Variants in CADM2 observed in about 807,000 individuals in gnomAD.
The protein encoded by CADM2 is immunoglobulin superfamily member 4D.
CADM2 carries 12 observed loss-of-function variants against 49.8 expected under a neutral mutation model. The ratio of observed to expected loss-of-function variants is 0.24; its 90% CI spans 0.15 to 0.39. The LOEUF (loss-of-function observed/expected upper bound fraction) is 0.39. CADM2 is among the 10% of genes least tolerant of loss of function. CADM2 has a pLI of 1.00. For synonymous variants in CADM2, 214 were observed against 175.4 expected (o/e 1.22, Z -1.74); for missense variants, 378 against 492.3 (o/e 0.77, Z 2.20).
At chr3:85,899,904 G>C (rs75168682) in intron 5 of CADM2, among the ~76,000 whole-genome samples, 2 of 152,020 alleles carry the variant, frequency 1.3e-5, no homozygotes, top group African/African-American at 4.8e-5. Context: ...GCGAATACTG[G>C]GGGGAGCACT....
chr3:85,495,873 T>C (rs927190115), intron 1 of CADM2, among the ~76,000 whole-genome samples: 6 of 151,882 alleles, frequency 4.0e-5, no homozygotes, highest in Non-Finnish European at 1.5e-5. Flanking sequence ...GACAAAGACC[T>C]CCCACTAGGC....
intron 1 of CADM2, among the ~76,000 whole-genome samples, chr3:85,338,305 C>T (rs1421319918): frequency 6.6e-6 from 1 of 151,600 alleles, no homozygotes; most frequent in Non-Finnish European, 1.5e-5. Context: ...CAATTTTCAT[C>T]TGTTTAGTGA....
At position 85,028,587 on chromosome 3, in the gene CADM2, C is replaced by T. The variant is rs186358105; in HGVS notation, c.61+68919C>T. Reference sequence around the variant, plus strand: ...TCTGAATACAAAACTCTCTGGAGACCTTTTGGACTCCTCTGTTAATGCAGG... The same window carrying T: ...TCTGAATACAAAACTCTCTGGAGACTTTTTGGACTCCTCTGTTAATGCAGG... On this transcript the variant is annotated intron_variant, in intron 1 of 9. Transcript: ENST00000383699. Among the ~76,000 whole-genome samples the T allele has an allele frequency of 2.7e-3, 417 of 152,098 alleles. 1 individual carries two copies. Among genetic ancestry groups the T allele is most frequent in the Non-Finnish European group, 4.7e-3 (317 of 67,940 alleles).
chr3:85,252,144 CTT>C (rs966305837), intron 1 of CADM2, among the ~76,000 whole-genome samples: 3 of 151,942 alleles, frequency 2.0e-5, no homozygotes, highest in Non-Finnish European at 4.4e-5. Flanking sequence ...CTCATCATCT[CTT>C]TGTTTTTGTT....
At position 85,290,990 on chromosome 3, in the gene CADM2, G is replaced by A. The variant is rs145100436; in HGVS notation, c.61+331322G>A. Among the ~76,000 whole-genome samples, 818 of 152,232 alleles carry A rather than the reference G, an allele frequency of 5.4e-3. 5 individuals carry two copies. Among genetic ancestry groups the A allele is most frequent in the African/African-American group, 0.019 (774 of 41,554 alleles). On this transcript the variant is annotated intron_variant, in intron 1 of 9. Coordinates refer to ENST00000383699, the MANE Select transcript of CADM2 (RefSeq NM_001167675.2). Reference sequence around the variant, plus strand: ...AGGCTTCAGACGATCAAATTACTCCGAGCTATGGGAGGACATTCAAACCAA... The same window carrying A: ...AGGCTTCAGACGATCAAATTACTCCAAGCTATGGGAGGACATTCAAACCAA...
chr3:86,063,605 A>G (rs558831574), intron 8 of CADM2, among the ~76,000 whole-genome samples: 1 of 152,314 alleles, frequency 6.6e-6, no homozygotes, highest in South Asian at 2.1e-4. Context: ...CACATTTTGC[A>G]TTCAGCAAGT....
chr3:85,299,481 T>A (rs2044042404), intron 1 of CADM2, among the ~76,000 whole-genome samples: 1 of 152,064 alleles, frequency 6.6e-6, no homozygotes, highest in Non-Finnish European at 1.5e-5. Context: ...TATTCACATA[T>A]CATATTTTGG....
chr3:85,216,588 A>T (rs1003884971), intron 1 of CADM2, among the ~76,000 whole-genome samples: 39 of 152,030 alleles, frequency 2.6e-4, no homozygotes, highest in African/African-American at 9.4e-4. Context: ...CTGACAGAAA[A>T]CTATTAAATA....
rs550214206 is a variant in CADM2, at chr3:85,792,520, A to G, written c.89-9527A>G. ...ACAAAATTTGATCATTGACCCTCCA[A>G]AACTACCAACTAACTCACTTCCTCT... On this transcript the variant is annotated intron_variant, in intron 2 of 9. Transcript: ENST00000383699. Among the ~76,000 whole-genome samples, 113 of 152,330 alleles carry G rather than the reference A, an allele frequency of 7.4e-4. 4 individuals carry two copies. In the South Asian group the frequency reaches 0.023, roughly 30 times the overall value.
At chr3:85,480,045 C>G (rs2039145791) in intron 1 of CADM2, among the ~76,000 whole-genome samples, 1 of 151,592 alleles carries the variant, frequency 6.6e-6, no homozygotes, top group Admixed American at 6.6e-5. Flanking sequence ...TTAAAAGTTA[C>G]TTCTAATTGA....
chr3:86,055,460 T>C (rs911305660), intron 8 of CADM2, among the ~76,000 whole-genome samples: 1 of 121,254 alleles, frequency 8.2e-6, no homozygotes, highest in Non-Finnish European at 1.7e-5. Context: ...TCTTTTTTTT[T>C]TTTTTTTTTT....
chr3:85,912,638 G>A (rs1354936828), intron 6 of CADM2, 95 bp downstream of exon 6: 5 of 1,288,808 alleles, frequency 3.9e-6, no homozygotes, highest in Admixed American at 2.2e-5. Flanking sequence ...TTATAGCAAA[G>A]GTGCAGTAAA....
intron 1 of CADM2, among the ~76,000 whole-genome samples, chr3:85,541,115 T>G (rs1324639663): frequency 6.6e-6 from 1 of 151,002 alleles, no homozygotes; most frequent in East Asian, 1.9e-4. Context: ...TATAATCTAA[T>G]TTTCACATAA....
At chr3:85,242,688 T>A (rs1000421968) in intron 1 of CADM2, among the ~76,000 whole-genome samples, 3 of 151,924 alleles carry the variant, frequency 2.0e-5, no homozygotes, top group South Asian at 2.1e-4. Flanking sequence ...TGGTATTTTT[T>A]AAAGAAATTA....
intron 1 of CADM2, among the ~76,000 whole-genome samples, chr3:85,214,569 G>A (rs1025236884): frequency 6.6e-6 from 1 of 151,952 alleles, no homozygotes; most frequent in Non-Finnish European, 1.5e-5. Flanking sequence ...CAGGTTCAGA[G>A]ATGCCACTTG....
chr3:86,008,511 C>T (rs1215250958), intron 8 of CADM2, among the ~76,000 whole-genome samples: 1 of 151,942 alleles, frequency 6.6e-6, no homozygotes, highest in Non-Finnish European at 1.5e-5. Flanking sequence ...TAAATAAAAA[C>T]ACCAAAAATT....
chr3:85,835,048 T>G (rs116020220), intron 3 of CADM2, among the ~76,000 whole-genome samples: 203 of 151,716 alleles, frequency 1.3e-3, no homozygotes, highest in Non-Finnish European at 2.3e-3. Flanking sequence ...GGTCTCTTGA[T>G]CCACTGAAAT....
intron 6 of CADM2, among the ~76,000 whole-genome samples, chr3:85,919,012 TA>T (rs1300447163): frequency 6.6e-6 from 1 of 151,966 alleles, no homozygotes; most frequent in Non-Finnish European, 1.5e-5. Context: ...ACATTAAAAA[TA>T]AACTTAATGA....
intron 7 of CADM2, among the ~76,000 whole-genome samples, chr3:85,942,767 C>T (rs1033451385): frequency 6.6e-6 from 1 of 151,948 alleles, no homozygotes; most frequent in African/African-American, 2.4e-5. Context: ...CAAGTCTTTG[C>T]TATTGTGAAT....
Sources: allele counts gnomAD v4.1 joint callset (sites outside exome capture counted in the v4.1 genomes callset), GRCh38; gene constraint gnomAD v4.1.1; transcripts MANE v1.5; gene names NCBI Gene and HGNC (gene_info 2026-07-23, HGNC 2026-07-21).